DSCAML1: variants seen among roughly 807,000 people sequenced by gnomAD.
DSCAML1 encodes cell adhesion molecule DSCAML1.
Under a neutral mutation model 200.5 loss-of-function variants are expected in DSCAML1, and 38 were observed. The ratio of observed to expected loss-of-function variants is 0.19; its 90% confidence interval spans 0.15 to 0.25. The LOEUF (loss-of-function observed/expected upper bound fraction) is 0.25, where lower values mean the gene tolerates loss of function less well. DSCAML1 is among the 10% of genes least tolerant of loss of function. DSCAML1 has a pLI of 1.00. For missense variants in DSCAML1, 2,223 were observed against 2,858.8 expected (o/e 0.78, Z 5.07); for synonymous variants, 1,215 against 1,165.0 (o/e 1.04, Z -0.87).
intron 1 of DSCAML1, among the ~76,000 whole-genome samples, chr11:117,812,453 C>T (rs1354053513): frequency 6.6e-6 from 1 of 152,052 alleles, no homozygotes; most frequent in Non-Finnish European, 1.5e-5. Flanking sequence ...CCCATGGTGC[C>T]AAACCCATAT....
intron 3 of DSCAML1, among the ~76,000 whole-genome samples, chr11:117,557,920 G>T (rs897037899): frequency 6.6e-6 from 1 of 152,092 alleles, no homozygotes; most frequent in Admixed American, 6.6e-5. Context: ...TGTGAGGAGA[G>T]AGCAGTTGCT....
intron 3 of DSCAML1, among the ~76,000 whole-genome samples, chr11:117,625,312 G>A (rs868435007): frequency 6.6e-6 from 1 of 152,074 alleles, no homozygotes; most frequent in African/African-American, 2.4e-5. Context: ...TCCTTCGCAG[G>A]GACAAAGCTC....
chr11:117,564,484 C>T lies in DSCAML1; in HGVS notation c.512-31962G>A, dbSNP rs571529530. Among the ~76,000 whole-genome samples, 107 of 152,324 alleles carry T rather than the reference C, an allele frequency of 7.0e-4. 2 individuals are homozygous for T. The highest frequency in any genetic ancestry group is 2.4e-3 in the African/African-American group (101 of 41,574). ...CTTGCAGGTCCCGGCGATTCTCCTG[C>T]TGCAGCTGCTCTGGCTTCTTTGCTG... On this transcript the variant is annotated intron_variant, in intron 3 of 32. Transcript: ENST00000651296.
rs914853863 is a variant in DSCAML1, at chr11:117,489,822, C to T, written c.2360-7660G>A. ...CCCCTGCATGGCACGTGTCCTCCGGCAGCGTCCTTGCCTCCTTGTGTGTGA... is the reference window on the plus strand; with the variant it reads ...CCCCTGCATGGCACGTGTCCTCCGGTAGCGTCCTTGCCTCCTTGTGTGTGA... On this transcript the variant is annotated intron_variant, in intron 11 of 32. Transcript: ENST00000651296. This position sits in a 1 kb window ranked among gnomAD's most constrained non-coding sequence, Gnocchi z 4.8. 4.6e-5 allele frequency among the ~76,000 whole-genome samples: 7 copies of T among 152,230 alleles called. No individual in the cohort carries two copies. Among genetic ancestry groups the T allele is most frequent in the Admixed American group, 3.9e-4 (6 of 15,290 alleles).
chr11:117,519,538 G>C (rs1165495525), intron 6 of DSCAML1, among the ~76,000 whole-genome samples: 1 of 152,204 alleles, frequency 6.6e-6, no homozygotes, highest in Non-Finnish European at 1.5e-5. Context: ...TTTAAAAGTA[G>C]GCCAGCCACG....
At chr11:117,473,813 T>A (rs2048734474) in intron 14 of DSCAML1, among the ~76,000 whole-genome samples, 1 of 152,218 alleles carries the variant, frequency 6.6e-6, no homozygotes, top group African/African-American at 2.4e-5. Context: ...AGGGTCACTT[T>A]GTGGTTGGCA....
At chr11:117,804,652 C>T (rs942478323) in intron 1 of DSCAML1, among the ~76,000 whole-genome samples, 5 of 152,130 alleles carry the variant, frequency 3.3e-5, no homozygotes, top group Admixed American at 6.5e-5. Flanking sequence ...ATATCTCGTC[C>T]GGGCATGGTG....
intron 11 of DSCAML1, among the ~76,000 whole-genome samples, chr11:117,499,755 A>C (rs1745940987): frequency 6.6e-6 from 1 of 152,110 alleles, no homozygotes; most frequent in African/African-American, 2.4e-5. Flanking sequence ...CTCAGGGAGG[A>C]GTGGGGACCA....
intron 3 of DSCAML1, among the ~76,000 whole-genome samples, chr11:117,572,118 A>G (rs914872985): frequency 1.8e-4 from 27 of 152,168 alleles, no homozygotes; most frequent in African/African-American, 6.0e-4. Context: ...CCATTCTTTT[A>G]TTTCTTTACT....
chr11:117,548,850 G>A (rs2050423880), intron 3 of DSCAML1, among the ~76,000 whole-genome samples: 1 of 152,198 alleles, frequency 6.6e-6, no homozygotes, highest in South Asian at 2.1e-4. Context: ...CCTCTAGAGA[G>A]TTACCGGGAG....
chr11:117,447,379 T>C (rs981465252), intron 20 of DSCAML1, among the ~76,000 whole-genome samples: 1 of 152,160 alleles, frequency 6.6e-6, no homozygotes, highest in Non-Finnish European at 1.5e-5. Flanking sequence ...CATTACGTTA[T>C]GTATAATATT....
intron 11 of DSCAML1, among the ~76,000 whole-genome samples, chr11:117,492,845 C>T (rs2049213527): frequency 6.6e-6 from 1 of 152,164 alleles, no homozygotes; most frequent in South Asian, 2.1e-4. Flanking sequence ...TTTGTTTTTC[C>T]CTTCTTAAAG....
At chr11:117,454,219 G>A (rs747218473) in intron 19 of DSCAML1, among the ~76,000 whole-genome samples, 21 of 152,222 alleles carry the variant, frequency 1.4e-4, no homozygotes, top group African/African-American at 2.9e-4. Context: ...CCGGGAGCAC[G>A]TTAGAAGTGC....
At chr11:117,616,615 T>G (rs2051815846) in intron 3 of DSCAML1, among the ~76,000 whole-genome samples, 1 of 152,232 alleles carries the variant, frequency 6.6e-6, no homozygotes, top group African/African-American at 2.4e-5. Flanking sequence ...ATACTTTGCA[T>G]AATTAGATTT....
chr11:117,555,372 G>C (rs1040586576), intron 3 of DSCAML1, among the ~76,000 whole-genome samples: 3 of 152,206 alleles, frequency 2.0e-5, no homozygotes, highest in African/African-American at 7.2e-5. Flanking sequence ...ACCTCCAGGG[G>C]CTCAGGATCT....
intron 3 of DSCAML1, among the ~76,000 whole-genome samples, chr11:117,671,968 G>A (rs1305222501): frequency 6.6e-6 from 1 of 152,050 alleles, no homozygotes; most frequent in Admixed American, 6.5e-5. Context: ...GGGCGCGGTG[G>A]CAGGTGCCTG....
chr11:117,441,472 G>A (rs1445759021), intron 21 of DSCAML1, among the ~76,000 whole-genome samples: 2 of 152,188 alleles, frequency 1.3e-5, no homozygotes, highest in Admixed American at 6.5e-5. Context: ...GAGAGGACGG[G>A]AGTGTCCCAA....
At chr11:117,722,821 C>T (rs996305919) in intron 3 of DSCAML1, among the ~76,000 whole-genome samples, 2 of 152,196 alleles carry the variant, frequency 1.3e-5, no homozygotes, top group African/African-American at 4.8e-5. Flanking sequence ...TGACAAATCT[C>T]ATCCCCCATC....
At chr11:117,757,862 T>C (rs2054723724) in intron 3 of DSCAML1, among the ~76,000 whole-genome samples, 1 of 152,034 alleles carries the variant, frequency 6.6e-6, no homozygotes, top group South Asian at 2.1e-4. Context: ...TGGTGGTGAA[T>C]GCCTGTAATC....
Sources: allele counts gnomAD v4.1 joint callset (sites outside exome capture counted in the v4.1 genomes callset), GRCh38; gene constraint gnomAD v4.1.1; non-coding constraint Gnocchi (gnomAD v3.1); transcripts MANE v1.5; gene names NCBI Gene and HGNC (gene_info 2026-07-23, HGNC 2026-07-21).